Variants in WFDC10B observed in about 807,000 individuals in gnomAD.
WFDC10B encodes the protein WAP four-disulfide core domain 10B.
WFDC10B carries 1 observed loss-of-function variant against 2.7 expected under a neutral mutation model. That is an observed-to-expected ratio of 0.38 (90% confidence interval 0.13 to 1.79). The LOEUF is 1.79. Among genes scored for constraint, WFDC10B ranks in the 40% most tolerant of loss-of-function variants. The pLI is 0.33. For synonymous variants in WFDC10B, 26 were observed against 32.2 expected, an observed-to-expected ratio of 0.81 and a Z score of 0.65; for missense variants, 71 against 87.8, an observed-to-expected ratio of 0.81 and a Z score of 0.76.
At position 45,684,753 on chromosome 20, in the gene WFDC10B, T is replaced by C; in HGVS notation, c.*77A>G. The C allele has an allele frequency of 1.9e-6, 3 of 1,565,252 alleles. No individual in the cohort carries two copies. The highest frequency in any genetic ancestry group is 2.3e-5 in the East Asian group (1 of 44,032). The stretch of plus-strand genomic sequence containing the variant: ...TTCTTGTGCTGATGATTTGATGTCC[T>C]TGTGCTTCGGATGTGGGCACAGTCT... On this transcript the variant is annotated 3_prime_UTR_variant, in exon 4 of 4. Transcript: ENST00000330523.
intron 2 of WFDC10B, among the ~76,000 whole-genome samples, chr20:45,703,950 G>A (rs1346883270): frequency 6.6e-6 from 1 of 152,082 alleles, no homozygotes; most frequent in African/African-American, 2.4e-5. Context: ...TTTAATGCAT[G>A]GTCTTCATCC....
At chr20:45,691,796 G>T (rs1983821434) in intron 2 of WFDC10B, among the ~76,000 whole-genome samples, 1 of 152,138 alleles carries the variant, frequency 6.6e-6, no homozygotes, top group African/African-American at 2.4e-5. Context: ...TATCCAATTT[G>T]CCAGTCTGTG....
At chr20:45,694,964 C>T (rs561984731) in intron 2 of WFDC10B, among the ~76,000 whole-genome samples, 34 of 152,340 alleles carry the variant, frequency 2.2e-4, no homozygotes, top group African/African-American at 7.5e-4. Context: ...ACACACAACT[C>T]ACAAGGACAG....
intron 2 of WFDC10B, among the ~76,000 whole-genome samples, chr20:45,691,041 G>A (rs1486045338): frequency 1.3e-5 from 2 of 152,056 alleles, no homozygotes; most frequent in African/African-American, 2.4e-5. Context: ...TTGTGTCTTT[G>A]TTCTGATTGG....
At chr20:45,698,377 A>T (rs1436493069) in intron 2 of WFDC10B, among the ~76,000 whole-genome samples, 1 of 152,210 alleles carries the variant, frequency 6.6e-6, no homozygotes, top group South Asian at 2.1e-4. Context: ...GGATTGGGCA[A>T]TGGATTCTTA....
At position 45,690,894 on chromosome 20, in the gene WFDC10B, C is replaced by T. The variant is rs4511779; in HGVS notation, c.-64-4838G>A. ...TTCTGCTAGCTTTTGAATGTGTTTG[C>T]TCTTGCTTTTCTAGTTCTTTTAATT... is the stretch of plus-strand genomic sequence containing the variant. On this transcript the variant is annotated intron_variant, in intron 2 of 3. Transcript: ENST00000330523. Among the ~76,000 whole-genome samples the T allele has an allele frequency of 6.3e-3, 960 of 152,114 alleles. 41 individuals carry two copies. In the South Asian group the frequency reaches 0.1, roughly 16 times the overall value.
At chr20:45,689,583 A>T (rs1257419642) in intron 2 of WFDC10B, among the ~76,000 whole-genome samples, 1 of 151,974 alleles carries the variant, frequency 6.6e-6, no homozygotes, top group Non-Finnish European at 1.5e-5. Flanking sequence ...ATTCCTAGGT[A>T]TTTTATTCTC....
intron 3 of WFDC10B, among the ~76,000 whole-genome samples, 167 bp from the exon 4 acceptor site, chr20:45,685,127 C>T (rs1313285263): frequency 2.0e-5 from 3 of 152,064 alleles, no homozygotes; most frequent in Non-Finnish European, 4.4e-5. Flanking sequence ...TAGTGATTGG[C>T]AGTATCTTAA....
chr20:45,693,872 T>C (rs1983899373), intron 2 of WFDC10B, among the ~76,000 whole-genome samples: 3 of 152,220 alleles, frequency 2.0e-5, no homozygotes. Context: ...CCTAGTGAGA[T>C]GAACCCGGTA....
At chr20:45,704,840 C>G in intron 1 of WFDC10B, 78 bp downstream of exon 1, 1 of 1,494,338 alleles carries the variant, frequency 6.7e-7, no homozygotes, top group Non-Finnish European at 9.3e-7. Flanking sequence ...CTCTGCCTCT[C>G]TGAACACACC....
intron 2 of WFDC10B, among the ~76,000 whole-genome samples, chr20:45,693,561 G>T (rs191131632): frequency 0.01 from 1,535 of 152,226 alleles, 27 homozygotes; most frequent in African/African-American, 0.035. Context: ...CCTTGCTGCC[G>T]CCTTGCTGTT....
chr20:45,693,628 G>A lies in WFDC10B; in HGVS notation c.-64-7572C>T, dbSNP rs189446887. On this transcript the variant is annotated intron_variant, in intron 2 of 3. Coordinates refer to ENST00000330523, the MANE Select transcript of WFDC10B (RefSeq NM_172006.2). ...AGACTCGGTGGGCATAGGACCCTCC[G>A]AGCCAGGTGTGGGATATAATCTCCT... 2.5e-3 allele frequency among the ~76,000 whole-genome samples: 387 copies of A among 152,248 alleles called. 1 individual carries two copies. Among genetic ancestry groups the A allele is most frequent in the Middle Eastern group, 0.01 (3 of 294 alleles).
rs892774674 is a variant in WFDC10B, at chr20:45,687,713, G to A, written c.-64-1657C>T. Among the ~76,000 whole-genome samples, 24 of 152,008 alleles carry A rather than the reference G, an allele frequency of 1.6e-4. 1 individual carries two copies. The highest frequency in any genetic ancestry group is 2.1e-4 in the South Asian group (1 of 4,800). On this transcript the variant is annotated intron_variant, in intron 2 of 3. Coordinates refer to ENST00000330523, the MANE Select transcript of WFDC10B (RefSeq NM_172006.2). ...TTTAATAACCTCCATTGTAACTGGC[G>A]TAAGATGGTATCTCATCGTGGTTTT... is the stretch of plus-strand genomic sequence containing the variant.
chr20:45,686,066 G>A lies in WFDC10B; in HGVS notation c.-64-10C>T. The A allele has an allele frequency of 6.4e-7, 1 of 1,560,456 alleles. No homozygotes were observed. The highest frequency in any genetic ancestry group is 8.7e-7 in the Non-Finnish European group (1 of 1,150,892). On this transcript the variant is annotated splice_polypyrimidine_tract_variant and intron_variant, in intron 2 of 3. Coordinates refer to ENST00000330523, the MANE Select transcript of WFDC10B (RefSeq NM_172006.2). ...TTCCCTGCAGAGCTGCCTGTGGAGA[G>A]GGAAGGAAATAAAGAAGGAATGATC...
At chr20:45,687,851 GTCTTT>G (rs1227780946) in intron 2 of WFDC10B, among the ~76,000 whole-genome samples, 9 of 138,654 alleles carry the variant, frequency 6.5e-5, no homozygotes, top group African/African-American at 2.1e-4. Flanking sequence ...GGGATTGCTT[GTCTTT>G]TCTTTTATTA....
intron 2 of WFDC10B, among the ~76,000 whole-genome samples, chr20:45,694,001 A>G (rs575744798): frequency 6.2e-4 from 95 of 152,258 alleles, no homozygotes; most frequent in Middle Eastern, 3.4e-3. Context: ...TTTCTTATAA[A>G]TTTAAGTTCC....
At chr20:45,699,846 T>G (rs1393637987) in intron 2 of WFDC10B, among the ~76,000 whole-genome samples, 1 of 152,124 alleles carries the variant, frequency 6.6e-6, no homozygotes, top group Non-Finnish European at 1.5e-5. Context: ...GCCCATCTAA[T>G]TTTTGTATTT....
chr20:45,690,130 G>A (rs1354090902), intron 2 of WFDC10B, among the ~76,000 whole-genome samples: 1 of 152,110 alleles, frequency 6.6e-6, no homozygotes, highest in African/African-American at 2.4e-5. Context: ...CTGTTTATAT[G>A]CTGGATTACA....
At chr20:45,689,430 G>A (rs1261699122) in intron 2 of WFDC10B, among the ~76,000 whole-genome samples, 2,627 of 151,738 alleles carry the variant, frequency 0.017, 69 homozygotes, top group African/African-American at 0.058. Flanking sequence ...ATTACCTTGG[G>A]CAGTATGGCC....
Sources: gnomAD v4.1 joint callset for allele counts (sites outside exome capture counted in the v4.1 genomes callset) on GRCh38, gnomAD v4.1.1 for gene constraint, MANE v1.5 for transcripts, NCBI Gene and HGNC (gene_info 2026-07-23, HGNC 2026-07-21) for gene names.